PARD3B: variants seen among roughly 807,000 people sequenced by gnomAD.
The protein encoded by PARD3B is par-3 family cell polarity regulator beta, also known as partitioning defective 3 homolog B.
In PARD3B, 103 loss-of-function variants were observed where a neutral mutation model predicts 130.2. The ratio of observed to expected loss-of-function variants is 0.79; its 90% CI spans 0.67 to 0.93. The LOEUF is 0.93. PARD3B is among the 40% of genes least tolerant of loss of function. The probability of loss-of-function intolerance (pLI) is 0.00; values close to 1 mark genes in which losing one functional copy is unlikely to be tolerated. For missense variants in PARD3B, 1,609 were observed against 1,499.2 expected (o/e 1.07, Z -1.21); for synonymous variants, 583 against 553.2 (o/e 1.05, Z -0.76).
chr2:204,833,733 C>T (rs533242732), intron 2 of PARD3B, among the ~76,000 whole-genome samples: 41 of 152,248 alleles, frequency 2.7e-4, no homozygotes, highest in Middle Eastern at 3.4e-3. Flanking sequence ...TCCCCAGCCA[C>T]GTGGAACTGT....
intron 3 of PARD3B, among the ~76,000 whole-genome samples, chr2:204,970,412 G>C (rs961828161): frequency 6.6e-6 from 1 of 152,084 alleles, no homozygotes; most frequent in Non-Finnish European, 1.5e-5. Context: ...GAAAACCAAG[G>C]CTATCCAGGT....
chr2:205,025,597 T>G (rs2125345174), intron 3 of PARD3B, among the ~76,000 whole-genome samples: 1 of 152,236 alleles, frequency 6.6e-6, no homozygotes, highest in Middle Eastern at 3.4e-3. Context: ...TTCTCTATCT[T>G]GGTTTAACTA....
intron 5 of PARD3B, among the ~76,000 whole-genome samples, chr2:205,110,275 C>G (rs531927396): frequency 2.2e-4 from 33 of 152,180 alleles, no homozygotes; most frequent in Non-Finnish European, 4.4e-4. Flanking sequence ...ATTTTTCCCT[C>G]AAGCTTGAAG....
Position 204,664,133 on chromosome 2 carries a change from T to C in PARD3B, c.121-22048T>C, listed in dbSNP as rs1208566423. Among the ~76,000 whole-genome samples, 2 of 152,196 alleles carry C rather than the reference T, an allele frequency of 1.3e-5. No individual in the cohort carries two copies. Among genetic ancestry groups the C allele is most frequent in the East Asian group, 3.8e-4 (2 of 5,202 alleles). On this transcript the variant is annotated intron_variant, in intron 1 of 22. Coordinates refer to ENST00000406610, the MANE Select transcript of PARD3B (RefSeq NM_001302769.2). This position sits in a 1 kb window ranked among gnomAD's most constrained non-coding sequence, Gnocchi z 5.2. Reference sequence around the variant, plus strand: ...ATGTTCTAACCCCATGACTGTCTAATAGCTTACATATATGTTGGGTAGTAA... The same window carrying C: ...ATGTTCTAACCCCATGACTGTCTAACAGCTTACATATATGTTGGGTAGTAA...
chr2:205,546,816 G>A (rs935397722), intron 21 of PARD3B, among the ~76,000 whole-genome samples: 1 of 152,016 alleles, frequency 6.6e-6, no homozygotes, highest in Admixed American at 6.6e-5. Context: ...GAGATTACAT[G>A]AATTATGATT....
At chr2:205,042,638 C>G (rs1003204610) in intron 3 of PARD3B, among the ~76,000 whole-genome samples, 1 of 151,916 alleles carries the variant, frequency 6.6e-6, no homozygotes, top group African/African-American at 2.4e-5. Context: ...TTGATCTAGC[C>G]TCTGGTGTAT....
intron 16 of PARD3B, among the ~76,000 whole-genome samples, chr2:205,295,789 A>G (rs994911725): frequency 1.4e-4 from 22 of 152,302 alleles, no homozygotes; most frequent in African/African-American, 5.3e-4. Context: ...TAGCCTAAGG[A>G]GAAGGGCAAC....
At chr2:205,203,574 G>A (rs904230135) in intron 15 of PARD3B, among the ~76,000 whole-genome samples, 6 of 151,954 alleles carry the variant, frequency 3.9e-5, no homozygotes, top group Admixed American at 1.3e-4. Flanking sequence ...TCTACATTAG[G>A]TATTTCTCCT....
At chr2:205,386,336 C>T (rs963091486) in intron 18 of PARD3B, among the ~76,000 whole-genome samples, 1 of 152,150 alleles carries the variant, frequency 6.6e-6, no homozygotes, top group African/African-American at 2.4e-5. Context: ...AGTTAACTGG[C>T]CCACACAGGG....
intron 21 of PARD3B, among the ~76,000 whole-genome samples, chr2:205,518,486 A>T (rs1469003949): frequency 6.6e-6 from 1 of 151,936 alleles, no homozygotes; most frequent in Non-Finnish European, 1.5e-5. Context: ...TTCATGTGAA[A>T]TGGGTCTCTT....
chr2:204,971,593 T>C (rs1422242044), intron 3 of PARD3B, among the ~76,000 whole-genome samples: 1 of 152,106 alleles, frequency 6.6e-6, no homozygotes, highest in Non-Finnish European at 1.5e-5. Context: ...TTCTTTCTTT[T>C]TTTTTCCTTT....
intron 4 of PARD3B, among the ~76,000 whole-genome samples, chr2:205,100,989 T>C (rs1171396307): frequency 6.6e-6 from 1 of 152,092 alleles, no homozygotes; most frequent in Non-Finnish European, 1.5e-5. Context: ...AATAAATACA[T>C]TGGACTTCGT....
At chr2:204,955,122 T>A (rs984370884) in intron 2 of PARD3B, among the ~76,000 whole-genome samples, 1 of 152,244 alleles carries the variant, frequency 6.6e-6, no homozygotes, top group Non-Finnish European at 1.5e-5. Context: ...AATTAAGCAA[T>A]ACATGCTGGA....
chr2:204,739,411 CTATT>C (rs1349799374), intron 2 of PARD3B, among the ~76,000 whole-genome samples: 1 of 152,032 alleles, frequency 6.6e-6, no homozygotes, highest in African/African-American at 2.4e-5. Context: ...GGGTATCTGT[CTATT>C]TATTGAAATG....
intron 2 of PARD3B, among the ~76,000 whole-genome samples, chr2:204,700,520 A>G (rs187511213): frequency 5.9e-5 from 9 of 152,250 alleles, no homozygotes; most frequent in East Asian, 1.9e-4. Context: ...TTGACACGCA[A>G]TCTTTTATTA....
intron 14 of PARD3B, among the ~76,000 whole-genome samples, chr2:205,191,419 A>T (rs902961187): frequency 1.3e-5 from 2 of 152,168 alleles, no homozygotes; most frequent in African/African-American, 4.8e-5. Flanking sequence ...ATCAAACCAC[A>T]TCACCCTTCT....
intron 21 of PARD3B, among the ~76,000 whole-genome samples, chr2:205,531,153 AC>A (rs1174701531): frequency 6.6e-6 from 1 of 152,176 alleles, no homozygotes. Context: ...GGTTTTTTTC[AC>A]CATAATTTAT....
chr2:204,983,024 C>T (rs988435973), intron 3 of PARD3B, among the ~76,000 whole-genome samples: 4 of 152,100 alleles, frequency 2.6e-5, no homozygotes, highest in African/African-American at 4.8e-5. Flanking sequence ...TTGGTTTTCT[C>T]GGATTATCTG....
intron 5 of PARD3B, among the ~76,000 whole-genome samples, chr2:205,109,713 G>A (rs28595416): frequency 0.13 from 18,730 of 142,816 alleles, 1,299 homozygotes; most frequent in East Asian, 0.16. Context: ...GAGTGAAGTG[G>A]TGTGATCTCC....
Sources: gnomAD v4.1 joint callset for allele counts (sites outside exome capture counted in the v4.1 genomes callset) on GRCh38, gnomAD v4.1.1 for gene constraint, Gnocchi (gnomAD v3.1) non-coding constraint, MANE v1.5 for transcripts, NCBI Gene and HGNC (gene_info 2026-07-23, HGNC 2026-07-21) for gene names.